Variants in TBCK observed in about 807,000 individuals in gnomAD.
TBCK encodes TBC1 domain containing kinase.
TBCK carries 99 observed loss-of-function variants against 113.4 expected under a neutral mutation model. The observed-to-expected ratio is 0.87, with a 90% CI of 0.74 to 1.03. The LOEUF is 1.03. Ranked by LOEUF, TBCK falls within the 50% of genes least tolerant of loss-of-function variation. The pLI is 0.00. For synonymous variants in TBCK, 369 were observed against 370.8 expected (o/e 1.00, Z 0.05); for missense variants, 1,045 against 1,061.3 (o/e 0.98, Z 0.21).
chr4:106,171,377 G>A, intron 22 of TBCK, 107 bp from the exon 23 acceptor site: 1 of 777,198 alleles, frequency 1.3e-6, no homozygotes, highest in South Asian at 2.1e-5. Context: ...TGGCTAAGAT[G>A]ATAAGTTATT....
At chr4:106,253,898 A>C (rs1216559328) in intron 5 of TBCK, among the ~76,000 whole-genome samples, 6 of 152,204 alleles carry the variant, frequency 3.9e-5, no homozygotes, top group Admixed American at 3.9e-4. Flanking sequence ...TGACATAGTA[A>C]GGGCATAGCT....
At chr4:106,088,609 G>GT (rs1402037957) in intron 25 of TBCK, among the ~76,000 whole-genome samples, 15 of 152,116 alleles carry the variant, frequency 9.9e-5, no homozygotes, top group African/African-American at 3.6e-4. Flanking sequence ...ATATACCCAA[G>GT]GAATAGAAAT....
intron 22 of TBCK, 132 bp from the exon 23 acceptor site, chr4:106,171,402 TA>T (rs11386971): frequency 1.7e-4 from 101 of 607,826 alleles, no homozygotes; most frequent in Non-Finnish European, 2.3e-4. Flanking sequence ...AAAATGTCAG[TA>T]AAAAAAACAA....
At chr4:106,148,676 T>A (rs1210717719) in intron 23 of TBCK, among the ~76,000 whole-genome samples, 1 of 152,206 alleles carries the variant, frequency 6.6e-6, no homozygotes, top group Non-Finnish European at 1.5e-5. Flanking sequence ...ACAGGTGTGC[T>A]GTCATCCAGA....
intron 5 of TBCK, among the ~76,000 whole-genome samples, chr4:106,259,147 GATT>G (rs1465400298): frequency 2.6e-5 from 4 of 151,604 alleles, no homozygotes; most frequent in African/African-American, 9.7e-5. Context: ...TAAAGTTTAA[GATT>G]ATTATCTATG....
At chr4:106,258,636 G>A (rs1415221652) in intron 5 of TBCK, among the ~76,000 whole-genome samples, 1 of 151,916 alleles carries the variant, frequency 6.6e-6, no homozygotes, top group African/African-American at 2.4e-5. Flanking sequence ...ATTCATCACT[G>A]AAACCTAAAG....
chr4:106,185,883 A>G (rs967008197), intron 22 of TBCK, among the ~76,000 whole-genome samples: 5 of 151,974 alleles, frequency 3.3e-5, no homozygotes, highest in African/African-American at 1.2e-4. Context: ...TCCTCCTCCC[A>G]TCTTTCATCC....
intron 19 of TBCK, among the ~76,000 whole-genome samples, chr4:106,217,701 GCT>G (rs532376688): frequency 1.7e-3 from 251 of 150,316 alleles, no homozygotes; most frequent in Middle Eastern, 0.01. Flanking sequence ...ACAAACCACT[GCT>G]CAAGGAAATC....
chr4:106,078,895 A>G (rs1436548272), intron 25 of TBCK, among the ~76,000 whole-genome samples: 1 of 152,166 alleles, frequency 6.6e-6, no homozygotes, highest in Non-Finnish European at 1.5e-5. Context: ...AACAAAATAC[A>G]TGCAAACCAA....
In TBCK at chr4:106,139,249, C is replaced by T. The variant is rs921179913; in HGVS notation, c.2236-22871G>A. Among the ~76,000 whole-genome samples, 36 of 141,364 alleles carry T rather than the reference C, an allele frequency of 2.5e-4. 6 individuals carry two copies. Among genetic ancestry groups the T allele is most frequent in the African/African-American group, 8.2e-4 (33 of 40,018 alleles). 92.7% of individuals were successfully genotyped at this position (141,364 alleles called of 152,430 possible). A position where few individuals can be genotyped will look rare whatever the true frequency, so the allele number is the denominator to read the frequency against. ...AGGAAGAAAGTCTGGAGATCTGCCTCTCTTCATTCTCACTGCTGTGCCAAA... is the reference window on the plus strand; with the variant it reads ...AGGAAGAAAGTCTGGAGATCTGCCTTTCTTCATTCTCACTGCTGTGCCAAA... On this transcript the variant is annotated intron_variant, in intron 23 of 25. Coordinates refer to ENST00000394708, the MANE Select transcript of TBCK (RefSeq NM_001163435.3).
At chr4:106,117,078 T>C (rs1289715765) in intron 23 of TBCK, among the ~76,000 whole-genome samples, 3 of 152,098 alleles carry the variant, frequency 2.0e-5, no homozygotes, top group Non-Finnish European at 4.4e-5. Context: ...TACCTTACTA[T>C]TGAGGTTTAC....
chr4:106,244,787 A>G lies in TBCK; in HGVS notation c.932-23T>C, dbSNP rs527973918. 5.5e-5 allele frequency: 79 copies of G among 1,431,714 alleles called. No homozygotes were observed. In the South Asian group the frequency reaches 9.4e-4, roughly 17 times the overall value. The allele number at this position is 1,431,714 out of a possible 1,614,324, so 88.7% of individuals were successfully genotyped here. ...TATCTATTAAAAGCAAATTTAAGGA[A>G]TCATTGTATTATATTTTCTACTTTT... On this transcript the variant is annotated intron_variant, in intron 10 of 25. Transcript: ENST00000394708.
intron 23 of TBCK, among the ~76,000 whole-genome samples, chr4:106,123,680 C>A (rs191984724): frequency 0.018 from 2,725 of 152,112 alleles, 28 homozygotes; most frequent in Middle Eastern, 0.034. Flanking sequence ...AGAACAGAGC[C>A]CTCAGAAATA....
chr4:106,251,779 CAT>C, intron 6 of TBCK, 85 bp downstream of exon 6: 5 of 1,178,568 alleles, frequency 4.2e-6, no homozygotes, highest in Non-Finnish European at 5.5e-6. Flanking sequence ...ACAGCAAAAA[CAT>C]ACTATTATTA....
At chr4:106,225,218 T>G (rs1196429202) in intron 19 of TBCK, among the ~76,000 whole-genome samples, 1 of 152,114 alleles carries the variant, frequency 6.6e-6, no homozygotes, top group Non-Finnish European at 1.5e-5. Flanking sequence ...TAAAACACCT[T>G]GTCTATTGAT....
intron 25 of TBCK, among the ~76,000 whole-genome samples, chr4:106,068,282 C>T (rs1315668282): frequency 6.6e-6 from 1 of 152,040 alleles, no homozygotes; most frequent in African/African-American, 2.4e-5. Flanking sequence ...GGTATTTCTC[C>T]TAATGCTATC....
chr4:106,160,093 A>C (rs1749590219), intron 23 of TBCK, among the ~76,000 whole-genome samples: 1 of 151,992 alleles, frequency 6.6e-6, no homozygotes, highest in African/African-American at 2.4e-5. Context: ...ATGAAGCTGA[A>C]CTCTCACCTA....
At chr4:106,167,089 GGT>G (rs145150009) in intron 23 of TBCK, among the ~76,000 whole-genome samples, 36 of 146,440 alleles carry the variant, frequency 2.5e-4, no homozygotes, top group Non-Finnish European at 2.4e-4. Context: ...TATATATAGG[GGT>G]GTGTGTGTGT....
upstream of TBCK, chr4:106,316,595 G>C (rs951036195): frequency 5.2e-6 from 8 of 1,551,322 alleles, no homozygotes; most frequent in Non-Finnish European, 6.1e-6. Flanking sequence ...TCCGCTTCAT[G>C]TGAGTGACGT....
Sources: allele counts gnomAD v4.1 joint callset (sites outside exome capture counted in the v4.1 genomes callset), GRCh38; gene constraint gnomAD v4.1.1; transcripts MANE v1.5; gene names NCBI Gene and HGNC (gene_info 2026-07-23, HGNC 2026-07-21).